ADGRB3: variants seen among roughly 807,000 people sequenced by gnomAD.
ADGRB3 encodes the protein adhesion G protein-coupled receptor B3.
ADGRB3 carries 37 observed loss-of-function variants against 193.4 expected under a neutral mutation model. The observed-to-expected ratio is 0.19, with a 90% CI of 0.15 to 0.25. The LOEUF (loss-of-function observed/expected upper bound fraction) is 0.25, where lower values mean the gene tolerates loss of function less well. Among genes scored for constraint, ADGRB3 ranks in the 10% least tolerant of loss-of-function variants. ADGRB3 has a pLI of 1.00. For synonymous variants in ADGRB3, 690 were observed against 644.2 expected (o/e 1.07, Z -1.08); for missense variants, 1,637 against 1,852.9 (o/e 0.88, Z 2.14).
rs959194376 is a variant in ADGRB3 at position 68,775,150 on chromosome 6, A to T, written c.757+135718A>T. 5.9e-5 allele frequency among the ~76,000 whole-genome samples: 9 copies of T among 151,494 alleles called. 1 individual carries two copies. On this transcript the variant is annotated intron_variant, in intron 3 of 31. Coordinates refer to ENST00000370598, the MANE Select transcript of ADGRB3 (RefSeq NM_001704.3). Reference sequence around the variant, plus strand: ...AGCTCTGACAAGCTGCTTGTTAAAAAAAAAAAAAAAAGTCTTTTAATGTTA... The same window carrying T: ...AGCTCTGACAAGCTGCTTGTTAAAATAAAAAAAAAAAGTCTTTTAATGTTA...
At chr6:68,661,341 ATG>A (rs71745062) in intron 3 of ADGRB3, among the ~76,000 whole-genome samples, 4,467 of 56,202 alleles carry the variant, frequency 0.079, 351 homozygotes, top group African/African-American at 0.16. Flanking sequence ...ATATATATAT[ATG>A]TGTGTGTGTG....
At chr6:68,751,435 AC>A (rs1235542559) in intron 3 of ADGRB3, among the ~76,000 whole-genome samples, 1 of 152,154 alleles carries the variant, frequency 6.6e-6, no homozygotes, top group Non-Finnish European at 1.5e-5. Context: ...TTTCCCAGTC[AC>A]AGTTCAGTCT....
intron 3 of ADGRB3, among the ~76,000 whole-genome samples, chr6:68,745,939 A>T (rs1349197027): frequency 6.6e-6 from 1 of 152,038 alleles, no homozygotes; most frequent in Non-Finnish European, 1.5e-5. Flanking sequence ...TTGAAACCAT[A>T]GTATTTGCCA....
intron 20 of ADGRB3, among the ~76,000 whole-genome samples, chr6:69,264,738 A>G (rs1582589551): frequency 6.6e-6 from 1 of 152,040 alleles, no homozygotes; most frequent in East Asian, 1.9e-4. Context: ...ATGAATTGTA[A>G]TGAGAGTTCT....
intron 3 of ADGRB3, among the ~76,000 whole-genome samples, chr6:68,851,085 T>C (rs1235621541): frequency 2.6e-5 from 4 of 151,950 alleles, no homozygotes; most frequent in African/African-American, 9.7e-5. Flanking sequence ...CTTTCTTTGA[T>C]CATTTTGGGA....
intron 3 of ADGRB3, among the ~76,000 whole-genome samples, chr6:68,918,708 C>A (rs1252273253): frequency 1.3e-5 from 2 of 152,136 alleles, no homozygotes; most frequent in African/African-American, 4.8e-5. Flanking sequence ...CTTATTTCAT[C>A]CGTATTATCA....
intron 17 of ADGRB3, among the ~76,000 whole-genome samples, chr6:69,206,742 G>A (rs774722132): frequency 2.0e-5 from 3 of 152,168 alleles, no homozygotes; most frequent in Non-Finnish European, 2.9e-5. Flanking sequence ...GAGAGTTACA[G>A]TCCTCGTTTC....
chr6:69,221,261 T>G (rs1765888038), intron 17 of ADGRB3, among the ~76,000 whole-genome samples: 1 of 152,200 alleles, frequency 6.6e-6, no homozygotes, highest in Non-Finnish European at 1.5e-5. Context: ...TTTCAGATCT[T>G]TTATTGGAAT....
At chr6:69,062,190 A>G (rs1771768033) in intron 15 of ADGRB3, among the ~76,000 whole-genome samples, 1 of 151,988 alleles carries the variant, frequency 6.6e-6, no homozygotes, top group African/African-American at 2.4e-5. Flanking sequence ...AGCATTTTAC[A>G]TATTTTGTGT....
chr6:68,819,295 G>C (rs143741236), intron 3 of ADGRB3, among the ~76,000 whole-genome samples: 1 of 151,298 alleles, frequency 6.6e-6, no homozygotes, highest in African/African-American at 2.4e-5. Context: ...ATTTCTCATC[G>C]CTCTCCTCCT....
chr6:68,786,091 G>A (rs557617104), intron 3 of ADGRB3, among the ~76,000 whole-genome samples: 5 of 150,398 alleles, frequency 3.3e-5, no homozygotes, highest in Non-Finnish European at 5.9e-5. Context: ...AATTTTCTCC[G>A]ATTCTGTAGG....
Position 68,780,829 on chromosome 6 carries a change from A to C in ADGRB3, c.757+141397A>C, listed in dbSNP as rs368224382. 8.5e-5 allele frequency among the ~76,000 whole-genome samples: 13 copies of C among 152,220 alleles called. No individual in the cohort carries two copies. The East Asian group carries it at 1.4e-3, about 16-fold the overall frequency. On this transcript the variant is annotated intron_variant, in intron 3 of 31. Coordinates refer to ENST00000370598, the MANE Select transcript of ADGRB3 (RefSeq NM_001704.3). ...CCAGAATATATTATCAAAACAAGGAAATTGTCAGTGGTACACATCTATTAA... is the reference window on the plus strand; with the variant it reads ...CCAGAATATATTATCAAAACAAGGACATTGTCAGTGGTACACATCTATTAA...
intron 17 of ADGRB3, among the ~76,000 whole-genome samples, chr6:69,215,617 A>C (rs1251541180): frequency 6.6e-6 from 1 of 152,142 alleles, no homozygotes; most frequent in Non-Finnish European, 1.5e-5. Context: ...AAGAATTATA[A>C]GACCTATAAG....
intron 20 of ADGRB3, among the ~76,000 whole-genome samples, chr6:69,322,582 T>C (rs1211213680): frequency 6.6e-6 from 1 of 152,010 alleles, no homozygotes; most frequent in Admixed American, 6.6e-5. Context: ...CACTATTGTT[T>C]TGATCTGCAT....
At chr6:68,975,588 G>T (rs987049693) in intron 10 of ADGRB3, among the ~76,000 whole-genome samples, 6 of 152,134 alleles carry the variant, frequency 3.9e-5, no homozygotes, top group East Asian at 1.9e-4. Flanking sequence ...TGGGGGAAAG[G>T]CCTGAGCAAA....
intron 3 of ADGRB3, among the ~76,000 whole-genome samples, chr6:68,884,008 A>G (rs7754330): frequency 0.29 from 43,033 of 150,630 alleles, 6,946 homozygotes; most frequent in Middle Eastern, 0.51. Flanking sequence ...GCAGAATTAA[A>G]AGATATTTTA....
At chr6:69,057,847 A>G (rs1401303972) in intron 15 of ADGRB3, among the ~76,000 whole-genome samples, 1 of 151,962 alleles carries the variant, frequency 6.6e-6, no homozygotes, top group Non-Finnish European at 1.5e-5. Flanking sequence ...CATTTTGTTG[A>G]GGATTTTTGC....
chr6:68,995,428 G>C (rs1769357403), intron 11 of ADGRB3, among the ~76,000 whole-genome samples: 1 of 152,090 alleles, frequency 6.6e-6, no homozygotes, highest in Non-Finnish European at 1.5e-5. Flanking sequence ...ATGTGTGCAA[G>C]TTCAAGAAAT....
At chr6:68,932,588 A>G (rs1475213791) in intron 4 of ADGRB3, among the ~76,000 whole-genome samples, 2 of 152,044 alleles carry the variant, frequency 1.3e-5, no homozygotes, top group East Asian at 3.9e-4. Context: ...TTTTCCTTAA[A>G]TATTTTCCTA....
Sources: allele counts gnomAD v4.1 joint callset (sites outside exome capture counted in the v4.1 genomes callset), GRCh38; gene constraint gnomAD v4.1.1; transcripts MANE v1.5; gene names NCBI Gene and HGNC (gene_info 2026-07-23, HGNC 2026-07-21).